Variants in LRP1 observed in about 807,000 individuals in gnomAD.
LRP1 encodes prolow-density lipoprotein receptor-related protein 1.
LRP1 carries 51 observed loss-of-function variants against 541.5 expected under a neutral mutation model. The observed-to-expected ratio is 0.09, with a 90% CI of 0.08 to 0.12. The LOEUF (loss-of-function observed/expected upper bound fraction) is 0.12. Among genes scored for constraint, LRP1 ranks in the 10% least tolerant of loss-of-function variants. The pLI is 1.00. For synonymous variants in LRP1, 2,219 were observed against 2,470.8 expected (o/e 0.90, Z 3.02); for missense variants, 3,878 against 6,376.2 (o/e 0.61, Z 13.34).
intron 78 of LRP1, 106 bp downstream of exon 78, chr12:57,208,923 A>C: frequency 1.7e-6 from 2 of 1,147,548 alleles, no homozygotes; most frequent in South Asian, 2.6e-5. Context: ...TGGGGCTTGG[A>C]CTGGGGCAGG....
chr12:57,181,154 C>T lies in LRP1; in HGVS notation c.5528-3C>T, dbSNP rs1381781708. The T allele has an allele frequency of 1.2e-6, 2 of 1,612,712 alleles. No homozygotes were observed. The highest frequency in any genetic ancestry group is 1.7e-4 in the Middle Eastern group (1 of 6,058). On this transcript the variant is annotated splice_region_variant and splice_polypyrimidine_tract_variant and intron_variant, in intron 33 of 88. Coordinates refer to ENST00000243077, the MANE Select transcript of LRP1 (RefSeq NM_002332.3). The stretch of plus-strand genomic sequence containing the variant: ...TTTCCCTCTGCCTCCCACCTGCCCC[C>T]AGACCATAAGGGCACCAACCCCTGC...
Position 57,180,865 on chromosome 12 carries a change from A to G in LRP1, c.5527+58A>G, listed in dbSNP as rs2036151143. The G allele has an allele frequency of 2.5e-6, 4 of 1,603,054 alleles. No homozygotes were observed. The East Asian group carries it at 8.9e-5, about 36-fold the overall frequency. ...CAGGGGCAACAGGGGAGCCGTCCAGAGCTGCAGGCTGCAGGGCCATGGGGC... is the reference window on the plus strand; with the variant it reads ...CAGGGGCAACAGGGGAGCCGTCCAGGGCTGCAGGCTGCAGGGCCATGGGGC... On this transcript the variant is annotated intron_variant, in intron 33 of 88. Coordinates refer to ENST00000243077, the MANE Select transcript of LRP1 (RefSeq NM_002332.3).
rs562303850 is a variant in LRP1, at chr12:57,201,404, C to T, written c.10346-93C>T. The stretch of plus-strand genomic sequence containing the variant: ...CCTCCGAAGAAGTTGCTGGCAGGAC[C>T]AAGGCCAGGGCTTGGAAGAGAGAGA... On this transcript the variant is annotated intron_variant, in intron 65 of 88. Coordinates refer to ENST00000243077, the MANE Select transcript of LRP1 (RefSeq NM_002332.3). This position sits in a 1 kb window ranked among gnomAD's most constrained non-coding sequence, Gnocchi z 6.4. The T allele has an allele frequency of 6.6e-7, 1 of 1,522,982 alleles. No homozygotes were observed. The highest frequency in any genetic ancestry group is 1.3e-5 in the South Asian group (1 of 76,794). 94.3% of individuals were successfully genotyped at this position (1,522,982 alleles called of 1,614,324 possible).
In LRP1 at chr12:57,154,317, G is replaced by A. The variant is rs768119213; in HGVS notation, c.951G>A (p.Leu317=). 1.2e-6 allele frequency: 2 copies of A among 1,614,182 alleles called. No individual in the cohort carries two copies. Among genetic ancestry groups the A allele is most frequent in the Non-Finnish European group, 1.7e-6 (2 of 1,179,996 alleles). Reference sequence around the variant, plus strand: ...GAAATGGGGACACATGTGTCACATTGCTAGACCTGGAACTCTACAACCCCA... The same window carrying A: ...GAAATGGGGACACATGTGTCACATTACTAGACCTGGAACTCTACAACCCCA... ...CNRNGDTCVT[L]LDLELYNPKG... Residue 317 remains leucine, a synonymous_variant, in exon 7 of 89, where the codon TTG becomes TTA. Coordinates refer to ENST00000243077, the MANE Select transcript of LRP1 (RefSeq NM_002332.3). This position sits in a 1 kb window ranked among gnomAD's most constrained non-coding sequence, Gnocchi z 4.6.
At chr12:57,161,959 G>A (rs1024831486) in intron 13 of LRP1, among the ~76,000 whole-genome samples, 9 of 152,034 alleles carry the variant, frequency 5.9e-5, no homozygotes, top group African/African-American at 1.9e-4. Flanking sequence ...AATACTGCCC[G>A]TCTGCTCATT....
rs996831749 is a variant in LRP1, at chr12:57,162,234, A to G, written c.2203-83A>G. ...AGCAAAACCCATGCCCAGGACATAG[A>G]CAAATGAATGTACAAAACAGTGATC... On this transcript the variant is annotated intron_variant, in intron 13 of 88. Transcript: ENST00000243077. This position sits in a 1 kb window ranked among gnomAD's most constrained non-coding sequence, Gnocchi z 5.2. 1.2e-5 allele frequency: 14 copies of G among 1,200,764 alleles called. No individual in the cohort carries two copies. The highest frequency in any genetic ancestry group is 8.4e-5 in the Admixed American group (5 of 59,406). The allele number at this position is 1,200,764 out of a possible 1,614,324, so 74.4% of individuals were successfully genotyped here.
rs1459459518 is a variant in LRP1 at position 57,204,114 on chromosome 12, C to G, written c.10952-296C>G. 1 of 315,348 alleles carries G rather than the reference C, an allele frequency of 3.2e-6. No homozygotes were observed. The highest frequency in any genetic ancestry group is 2.1e-5 in the African/African-American group (1 of 47,288). The allele number at this position is 315,348 out of a possible 1,614,324, so 19.5% of individuals were successfully genotyped here. A position where few individuals can be genotyped will look rare whatever the true frequency, so the allele number is the denominator to read the frequency against. On this transcript the variant is annotated intron_variant, in intron 70 of 88. Transcript: ENST00000243077. This position sits in a 1 kb window ranked among gnomAD's most constrained non-coding sequence, Gnocchi z 5.3. ...CGTCCCCGCTGTGGAACTACACAGCCCAGTGCTGTTCCCACGTCCCCGCTG... is the reference window on the plus strand; with the variant it reads ...CGTCCCCGCTGTGGAACTACACAGCGCAGTGCTGTTCCCACGTCCCCGCTG...
chr12:57,180,739 C>T lies in LRP1; in HGVS notation c.5459C>T (p.Ser1820Phe), dbSNP rs2036147209. Residue 1820 changes from serine to phenylalanine, a missense_variant, in exon 33 of 89, where the codon TCC becomes TTC. Physicochemically the swap from Ser to Phe is radical, Grantham distance 155. Coordinates refer to ENST00000243077, the MANE Select transcript of LRP1 (RefSeq NM_002332.3). ...GTCSKADGSG[S>F]VVLRNSTTLV... Reference sequence around the variant, plus strand: ...TGCAGCAAGGCTGACGGCTCGGGCTCCGTGGTCCTTCGGAACAGCACCACC... The same window carrying T: ...TGCAGCAAGGCTGACGGCTCGGGCTTCGTGGTCCTTCGGAACAGCACCACC... The T allele has an allele frequency of 6.2e-7, 1 of 1,613,992 alleles. No individual in the cohort carries two copies. The highest frequency in any genetic ancestry group is 1.7e-5 in the Admixed American group (1 of 60,014).
rs747380163 is a variant in LRP1 at position 57,183,762 on chromosome 12, C to G, written c.5795-13C>G. On this transcript the variant is annotated splice_polypyrimidine_tract_variant and intron_variant, in intron 35 of 88. Coordinates refer to ENST00000243077, the MANE Select transcript of LRP1 (RefSeq NM_002332.3). The surrounding 1 kb of genome is among the most constrained non-coding windows in gnomAD (Gnocchi z 6.1). ...CTTATTGGGCATCCCCATGTCACCT[C>G]CTCCACCTCCAGAAAATGACACCAT... The G allele has an allele frequency of 3.1e-6, 5 of 1,613,676 alleles. No homozygotes were observed. The Admixed American group carries it at 8.3e-5, about 27-fold the overall frequency.
chr12:57,143,636 A>G, intron 3 of LRP1, 43 bp from the exon 4 acceptor site: 1 of 1,592,990 alleles, frequency 6.3e-7, no homozygotes, highest in Non-Finnish European at 8.6e-7. Flanking sequence ...TGGAGCTGCC[A>G]GATCTGGCGG....
In LRP1 at chr12:57,165,682, C is replaced by A; in HGVS notation, c.2531-123C>A. The A allele has an allele frequency of 1.1e-6, 1 of 949,382 alleles. No individual in the cohort carries two copies. The highest frequency in any genetic ancestry group is 1.6e-6 in the Non-Finnish European group (1 of 641,524). The allele number at this position is 949,382 out of a possible 1,614,324, so 58.8% of individuals were successfully genotyped here. ...AATTTGTTTCATGAGGAATTTTGTA[C>A]TAGAAAAAATTACTTTGTATTATTA... On this transcript the variant is annotated intron_variant, in intron 15 of 88. Transcript: ENST00000243077. The surrounding 1 kb of genome is among the most constrained non-coding windows in gnomAD (Gnocchi z 4.5).
intron 22 of LRP1, among the ~76,000 whole-genome samples, chr12:57,174,562 C>A (rs2036006755): frequency 6.6e-6 from 1 of 152,140 alleles, no homozygotes; most frequent in Admixed American, 6.5e-5. Flanking sequence ...ATCACTTGAG[C>A]TCAGGAATTT....
intron 70 of LRP1, 148 bp downstream of exon 70, chr12:57,203,669 A>T (rs1465839855): frequency 9.3e-7 from 1 of 1,078,686 alleles, no homozygotes; most frequent in Non-Finnish European, 1.3e-6. Flanking sequence ...AGGCACTGCC[A>T]TAGGTGTTAG....
Position 57,211,680 on chromosome 12 carries a change from C to G in LRP1, c.13194-70C>G. On this transcript the variant is annotated intron_variant, in intron 85 of 88. Transcript: ENST00000243077. The surrounding 1 kb of genome is among the most constrained non-coding windows in gnomAD (Gnocchi z 4.3). ...ACCGTCAGGCCTCAGTGCCCACCCC[C>G]CGCCCTGTTTTCCTGGCAGCAGTGG... The G allele has an allele frequency of 7.7e-7, 1 of 1,301,458 alleles. No individual in the cohort carries two copies. The highest frequency in any genetic ancestry group is 1.1e-6 in the Non-Finnish European group (1 of 898,056). 80.6% of individuals were successfully genotyped at this position (1,301,458 alleles called of 1,614,324 possible). A position where few individuals can be genotyped will look rare whatever the true frequency, so the allele number is the denominator to read the frequency against.
intron 1 of LRP1, among the ~76,000 whole-genome samples, chr12:57,138,079 A>G (rs1037216878): frequency 8.5e-5 from 13 of 152,114 alleles, no homozygotes; most frequent in African/African-American, 3.1e-4. Context: ...GAGGAAGACA[A>G]AGAGAAAACA....
intron 79 of LRP1, 128 bp downstream of exon 79, chr12:57,209,327 C>T: frequency 1.3e-6 from 1 of 765,688 alleles, no homozygotes; most frequent in Non-Finnish European, 2.1e-6. Context: ...GCTGCAGCGC[C>T]TTCCAGGCCT....
intron 1 of LRP1, among the ~76,000 whole-genome samples, chr12:57,136,395 G>GCCCCCCCCCCC (rs35376308): frequency 1.8e-4 from 18 of 99,098 alleles, no homozygotes; most frequent in Admixed American, 5.3e-4. Flanking sequence ...CCTCCTAAGA[G>GCCCCCCCCCCC]CCCCCCCCCC....
intron 1 of LRP1, among the ~76,000 whole-genome samples, chr12:57,129,499 A>T (rs1174621303): frequency 6.6e-6 from 1 of 151,606 alleles, no homozygotes; most frequent in Non-Finnish European, 1.5e-5. Context: ...GGCCAGGGGT[A>T]CCCTGCCGGG....
At chr12:57,146,233 T>G (rs1459967652) in intron 6 of LRP1, among the ~76,000 whole-genome samples, 1 of 152,094 alleles carries the variant, frequency 6.6e-6, no homozygotes, top group African/African-American at 2.4e-5. Context: ...AAAGTCAACA[T>G]CTGGCAGCAT....
Sources: allele counts gnomAD v4.1 joint callset (sites outside exome capture counted in the v4.1 genomes callset), GRCh38; gene constraint gnomAD v4.1.1; non-coding constraint Gnocchi (gnomAD v3.1); transcripts MANE v1.5; gene names NCBI Gene and HGNC (gene_info 2026-07-23, HGNC 2026-07-21).